Variants in SERP2 observed in about 807,000 individuals in gnomAD.
SERP2 encodes the protein stress associated endoplasmic reticulum protein family member 2, also known as stress-associated endoplasmic reticulum protein 2.
A neutral mutation model predicts 9.1 loss-of-function variants in SERP2; 6 were observed. The observed-to-expected ratio is 0.66, with a 90% CI of 0.36 to 1.30. The LOEUF (loss-of-function observed/expected upper bound fraction) is 1.30, where lower values mean the gene tolerates loss of function less well. Ranked by LOEUF, SERP2 falls within the 50% of genes most tolerant of loss-of-function variation. The pLI is 0.03. For missense variants in SERP2, 58 were observed against 81.9 expected (o/e 0.71, Z 1.13); for synonymous variants, 37 against 27.3 (o/e 1.35, Z -1.10).
At position 44,397,335 on chromosome 13, in the gene SERP2, C is replaced by T. The variant is rs748201523; in HGVS notation, c.*23C>T. The T allele has an allele frequency of 6.3e-7, 1 of 1,590,992 alleles. No individual in the cohort carries two copies. The highest frequency in any genetic ancestry group is 8.6e-7 in the Non-Finnish European group (1 of 1,159,252). ...TGAGAAAGCCAGGGATTTGACACCA[C>T]CTCCCTCCCACTGGAGGCGGGAGGA... On this transcript the variant is annotated 3_prime_UTR_variant, in exon 3 of 3. Coordinates refer to ENST00000379179, the MANE Select transcript of SERP2 (RefSeq NM_001010897.3).
intron 2 of SERP2, among the ~76,000 whole-genome samples, chr13:44,395,462 GGCAT>G (rs1873035269): frequency 6.6e-6 from 1 of 151,908 alleles, no homozygotes; most frequent in Admixed American, 6.6e-5. Context: ...AAATTAGCCG[GGCAT>G]GGTAGCGGGC....
intron 2 of SERP2, among the ~76,000 whole-genome samples, chr13:44,392,214 G>C (rs1289503675): frequency 1.1e-3 from 9 of 8,564 alleles, no homozygotes; most frequent in South Asian, 2.3e-3. Flanking sequence ...AAAAAAAAAA[G>C]CCCTGTGGTG....
chr13:44,393,576 C>T (rs1872907670), intron 2 of SERP2, among the ~76,000 whole-genome samples: 1 of 152,114 alleles, frequency 6.6e-6, no homozygotes, highest in Non-Finnish European at 1.5e-5. Flanking sequence ...TGGCATCTCT[C>T]CTCCCCGCTG....
chr13:44,380,249 G>A (rs1376431958), intron 2 of SERP2, among the ~76,000 whole-genome samples: 4 of 152,212 alleles, frequency 2.6e-5, no homozygotes, highest in Admixed American at 6.5e-5. Context: ...GGGAAGATGA[G>A]CAGAAGCATC....
At chr13:44,394,006 C>T (rs1257485642) in intron 2 of SERP2, among the ~76,000 whole-genome samples, 1 of 152,190 alleles carries the variant, frequency 6.6e-6, no homozygotes, top group Non-Finnish European at 1.5e-5. Context: ...TATGTTAATT[C>T]ATGGATTCAA....
upstream of SERP2, chr13:44,373,751 G>C (rs1029831871): frequency 2.8e-5 from 11 of 399,724 alleles, no homozygotes; most frequent in Non-Finnish European, 4.5e-5. The surrounding 1 kb of genome is among the most constrained non-coding windows in gnomAD (Gnocchi z 4.8). Context: ...CTCGGTGGCC[G>C]CGCGGGGTAG....
chr13:44,374,181 GCCGGGC>G, intron 1 of SERP2, 72 bp downstream of exon 1: 2 of 448,636 alleles, frequency 4.5e-6, no homozygotes, highest in Non-Finnish European at 3.5e-6. Flanking sequence ...TGGGGGCGGG[GCCGGGC>G]GGGTAGCGGC....
At chr13:44,396,433 C>CAAA (rs112700748) in intron 2 of SERP2, among the ~76,000 whole-genome samples, 21 of 93,628 alleles carry the variant, frequency 2.2e-4, no homozygotes, top group African/African-American at 6.2e-4. Context: ...CACCCTCCTT[C>CAAA]AAAAAAAAAA....
At chr13:44,387,078 GCTTTT>G (rs1363659967) in intron 2 of SERP2, among the ~76,000 whole-genome samples, 2 of 152,134 alleles carry the variant, frequency 1.3e-5, no homozygotes, top group African/African-American at 4.8e-5. Context: ...AAGAATGCTT[GCTTTT>G]ATCTCAAGAC....
chr13:44,383,163 G>A (rs1177746187), intron 2 of SERP2, among the ~76,000 whole-genome samples: 1 of 152,116 alleles, frequency 6.6e-6, no homozygotes, highest in African/African-American at 2.4e-5. Context: ...CCTGAGCCCC[G>A]TGACCATGCC....
At chr13:44,377,391 C>T (rs1348516758) in intron 1 of SERP2, among the ~76,000 whole-genome samples, 1 of 152,184 alleles carries the variant, frequency 6.6e-6, no homozygotes, top group African/African-American at 2.4e-5. Context: ...TGACAAGTTC[C>T]TGGGAAGGTG....
chr13:44,395,816 ATAATAG>A, intron 2 of SERP2: 1 of 457,228 alleles, frequency 2.2e-6, no homozygotes, highest in Non-Finnish European at 4.4e-6. Context: ...CGGCAACAAA[ATAATAG>A]TACAGGACCC....
In SERP2 at chr13:44,397,234, A is replaced by G. The variant is rs538946533; in HGVS notation, c.158-38A>G. 5.0e-6 allele frequency: 8 copies of G among 1,596,112 alleles called. No individual in the cohort carries two copies. In the South Asian group the frequency reaches 8.8e-5, roughly 18 times the overall value. ...GTGGGCTGGGTTTCCAGCTGTGTGC[A>G]GTCTGGTGTCTGAGCTGTGGTGTTT... On this transcript the variant is annotated intron_variant, in intron 2 of 2. Coordinates refer to ENST00000379179, the MANE Select transcript of SERP2 (RefSeq NM_001010897.3).
intron 1 of SERP2, among the ~76,000 whole-genome samples, chr13:44,375,867 T>C (rs563222327): frequency 5.9e-5 from 9 of 152,190 alleles, no homozygotes; most frequent in Non-Finnish European, 8.8e-5. Context: ...CAAAAATTAT[T>C]AGCTCCAAAA....
At position 44,397,654 on chromosome 13, in the gene SERP2, G is replaced by A. The variant is rs1873202940; in HGVS notation, c.*342G>A. ...GAACGATCACTGGTTTACTTTCTAT[G>A]GATACAATCTCTCCTCCATTGAGAA... is the stretch of plus-strand genomic sequence containing the variant. On this transcript the variant is annotated 3_prime_UTR_variant, in exon 3 of 3. Coordinates refer to ENST00000379179, the MANE Select transcript of SERP2 (RefSeq NM_001010897.3). 2.9e-6 allele frequency: 1 copy of A among 340,604 alleles called. No homozygotes were observed. The highest frequency in any genetic ancestry group is 5.5e-6 in the Non-Finnish European group (1 of 181,964). The allele number at this position is 340,604 out of a possible 1,614,324, so 21.1% of individuals were successfully genotyped here. A position where few individuals can be genotyped will look rare whatever the true frequency, so the allele number is the denominator to read the frequency against.
Position 44,390,429 on chromosome 13 carries a change from A to G in SERP2, c.158-6843A>G, listed in dbSNP as rs980624597. ...AAAGTTGTAACATCCAGAGGGAGTC[A>G]CCCCACCCCCAAGACCGGCAACTGA... is the stretch of plus-strand genomic sequence containing the variant. On this transcript the variant is annotated intron_variant, in intron 2 of 2. Coordinates refer to ENST00000379179, the MANE Select transcript of SERP2 (RefSeq NM_001010897.3). The G allele has an allele frequency of 3.9e-5, 18 of 456,284 alleles. No individual in the cohort carries two copies. The Admixed American group carries it at 4.2e-4, about 11-fold the overall frequency. 28.3% of individuals were successfully genotyped at this position (456,284 alleles called of 1,614,324 possible).
intron 2 of SERP2, among the ~76,000 whole-genome samples, chr13:44,392,871 A>G (rs1872860942): frequency 6.6e-6 from 1 of 152,156 alleles, no homozygotes; most frequent in South Asian, 2.1e-4. Flanking sequence ...CCTAAGAAGA[A>G]AGAACGTAAG....
Position 44,373,865 on chromosome 13 carries a change from C to T in SERP2, c.-161C>T. Reference sequence around the variant, plus strand: ...CGGCCTCTCTCTGGAGTCGGCTAGCCGGGGCTCGGGGAGCGGGGTGCGCAG... The same window carrying T: ...CGGCCTCTCTCTGGAGTCGGCTAGCTGGGGCTCGGGGAGCGGGGTGCGCAG... On this transcript the variant is annotated 5_prime_UTR_variant, in exon 1 of 3. Coordinates refer to ENST00000379179, the MANE Select transcript of SERP2 (RefSeq NM_001010897.3). This position sits in a 1 kb window ranked among gnomAD's most constrained non-coding sequence, Gnocchi z 4.8. 1 of 573,390 alleles carries T rather than the reference C, an allele frequency of 1.7e-6. No individual in the cohort carries two copies. Among genetic ancestry groups the T allele is most frequent in the South Asian group, 2.4e-5 (1 of 42,182 alleles). The allele number at this position is 573,390 out of a possible 1,614,324, so 35.5% of individuals were successfully genotyped here. A position where few individuals can be genotyped will look rare whatever the true frequency, so the allele number is the denominator to read the frequency against.
At chr13:44,383,651 G>A (rs574702144) in intron 2 of SERP2, among the ~76,000 whole-genome samples, 7 of 149,392 alleles carry the variant, frequency 4.7e-5, no homozygotes, top group East Asian at 2.0e-4. Flanking sequence ...AGGTTCAAGC[G>A]ATTCTCCTGC....
Sources: allele counts gnomAD v4.1 joint callset (sites outside exome capture counted in the v4.1 genomes callset), GRCh38; gene constraint gnomAD v4.1.1; non-coding constraint Gnocchi (gnomAD v3.1); transcripts MANE v1.5; gene names NCBI Gene and HGNC (gene_info 2026-07-23, HGNC 2026-07-21).